Variants in SORCS1 observed in about 807,000 individuals in gnomAD.
SORCS1 encodes VPS10 domain-containing receptor SorCS1.
In SORCS1, 60 loss-of-function variants were observed where a neutral mutation model predicts 146.1. The observed-to-expected ratio is 0.41, with a 90% CI of 0.33 to 0.51. SORCS1 has a LOEUF of 0.51. SORCS1 is among the 20% of genes least tolerant of loss of function. The pLI is 0.21. For synonymous variants in SORCS1, 637 were observed against 584.0 expected (o/e 1.09, Z -1.31); for missense variants, 1,352 against 1,487.6 (o/e 0.91, Z 1.50).
At chr10:107,057,436 G>C (rs1325988060) in intron 1 of SORCS1, among the ~76,000 whole-genome samples, 1 of 152,100 alleles carries the variant, frequency 6.6e-6, no homozygotes, top group African/African-American at 2.4e-5. Flanking sequence ...TGTCTCTTGG[G>C]AGTCATATCC....
chr10:107,149,385 A>C (rs572578639), intron 1 of SORCS1, among the ~76,000 whole-genome samples: 16 of 152,248 alleles, frequency 1.1e-4, no homozygotes, highest in African/African-American at 3.9e-4. Context: ...GTAAAAAAAA[A>C]TCGCGCTTTA....
At chr10:106,891,626 A>C (rs779280315) in intron 2 of SORCS1, among the ~76,000 whole-genome samples, 9 of 151,696 alleles carry the variant, frequency 5.9e-5, no homozygotes, top group Non-Finnish European at 1.3e-4. Context: ...TGGCCTTCCA[A>C]GTCACTGAGA....
intron 18 of SORCS1, among the ~76,000 whole-genome samples, chr10:106,640,453 G>A (rs151203657): frequency 7.9e-5 from 12 of 152,296 alleles, no homozygotes; most frequent in South Asian, 2.1e-4. Context: ...TTTAATTTTC[G>A]TCCCTAGCCT....
In SORCS1 at chr10:106,675,228, T is replaced by G. The variant is rs1481185900; in HGVS notation, c.1833-72A>C. ...AAATGTCATTTCAAAGGAAAGATAC[T>G]CTCAACCCAGAGATAATACATTTTA... On this transcript the variant is annotated intron_variant, in intron 13 of 25. Transcript: ENST00000263054. 2.0e-5 allele frequency: 23 copies of G among 1,128,722 alleles called. No individual in the cohort carries two copies. The East Asian group carries it at 4.8e-4, about 24-fold the overall frequency. The allele number at this position is 1,128,722 out of a possible 1,614,324, so 69.9% of individuals were successfully genotyped here. A position where few individuals can be genotyped will look rare whatever the true frequency, so the allele number is the denominator to read the frequency against.
chr10:107,068,185 G>A (rs571616214), intron 1 of SORCS1, among the ~76,000 whole-genome samples: 14 of 152,128 alleles, frequency 9.2e-5, no homozygotes, highest in South Asian at 2.1e-4. Context: ...ATCTGCTTTC[G>A]GGAAGCCTTT....
At chr10:106,831,389 A>C (rs1482694082) in intron 2 of SORCS1, among the ~76,000 whole-genome samples, 5 of 152,208 alleles carry the variant, frequency 3.3e-5, no homozygotes, top group African/African-American at 4.8e-5. Context: ...TCTACTCTCA[A>C]GTATGTCACA....
At chr10:106,936,271 T>C (rs543409973) in intron 2 of SORCS1, among the ~76,000 whole-genome samples, 1 of 152,170 alleles carries the variant, frequency 6.6e-6, no homozygotes, top group Non-Finnish European at 1.5e-5. Context: ...CTCAGTTGCA[T>C]AATCTTCTAA....
chr10:107,023,593 G>A (rs192533409), intron 1 of SORCS1, among the ~76,000 whole-genome samples: 9 of 152,148 alleles, frequency 5.9e-5, no homozygotes, highest in East Asian at 1.9e-4. Flanking sequence ...GATAGTACAC[G>A]ATTACATATT....
chr10:106,989,672 T>G (rs535121510), intron 1 of SORCS1, among the ~76,000 whole-genome samples: 1,383 of 81,240 alleles, frequency 0.017, 44 homozygotes, highest in African/African-American at 0.047. Context: ...TTTTTTCTGT[T>G]TTTTTTTGTT....
chr10:106,747,608 T>C (rs1310304657), intron 5 of SORCS1, among the ~76,000 whole-genome samples: 1 of 152,212 alleles, frequency 6.6e-6, no homozygotes, highest in East Asian at 1.9e-4. Context: ...TCTTCTGTCT[T>C]GAATTTAGCA....
intron 3 of SORCS1, among the ~76,000 whole-genome samples, chr10:106,805,796 C>A (rs984884168): frequency 6.6e-6 from 1 of 151,910 alleles, no homozygotes; most frequent in Admixed American, 6.6e-5. Context: ...TGGTGGCTCA[C>A]GCCTGTAATC....
chr10:106,926,214 G>T (rs1260017625), intron 2 of SORCS1, among the ~76,000 whole-genome samples: 1 of 152,162 alleles, frequency 6.6e-6, no homozygotes, highest in East Asian at 1.9e-4. Context: ...TGACCTAAAT[G>T]ATAAGCAGGG....
chr10:106,611,018 A>G (rs1201000152), intron 22 of SORCS1, among the ~76,000 whole-genome samples: 1 of 152,048 alleles, frequency 6.6e-6, no homozygotes, highest in East Asian at 1.9e-4. Context: ...AGGCAGAGGT[A>G]GCAGTGAGAT....
intron 3 of SORCS1, among the ~76,000 whole-genome samples, chr10:106,806,237 G>T (rs998841186): frequency 2.9e-5 from 4 of 136,436 alleles, no homozygotes; most frequent in Admixed American, 7.4e-5. Flanking sequence ...ATGTGGTGGT[G>T]TGAACCTATA....
rs927241822 is a variant in SORCS1 at position 107,060,346 on chromosome 10, A to G, written c.558+103623T>C. Among the ~76,000 whole-genome samples the G allele has an allele frequency of 1.3e-5, 2 of 152,158 alleles. No homozygotes were observed. Among genetic ancestry groups the G allele is most frequent in the African/African-American group, 4.8e-5 (2 of 41,436 alleles). ...TAGTACTGAGGAGGGTTCTTGCGAG[A>G]TTAAAGTTAATTAAAAGATGAGAAA... On this transcript the variant is annotated intron_variant, in intron 1 of 25. Transcript: ENST00000263054. This position sits in a 1 kb window ranked among gnomAD's most constrained non-coding sequence, Gnocchi z 4.1.
At chr10:106,754,941 T>C (rs1858524616) in intron 5 of SORCS1, among the ~76,000 whole-genome samples, 1 of 152,208 alleles carries the variant, frequency 6.6e-6, no homozygotes, top group African/African-American at 2.4e-5. Context: ...AAGGTAAGGC[T>C]GAACCTATTT....
intron 2 of SORCS1, among the ~76,000 whole-genome samples, chr10:106,832,588 T>C (rs1255139187): frequency 3.9e-5 from 6 of 152,174 alleles, no homozygotes; most frequent in Admixed American, 3.3e-4. Flanking sequence ...TTGCTAGCCT[T>C]ATTCTATCTC....
At chr10:106,614,809 G>A (rs534171929) in intron 21 of SORCS1, among the ~76,000 whole-genome samples, 4 of 152,330 alleles carry the variant, frequency 2.6e-5, no homozygotes, top group Non-Finnish European at 1.5e-5. Flanking sequence ...TAGGGGATGC[G>A]TGTGGGCGGA....
chr10:106,720,022 T>C (rs144983714), intron 6 of SORCS1, among the ~76,000 whole-genome samples: 208 of 152,346 alleles, frequency 1.4e-3, no homozygotes, highest in African/African-American at 4.5e-3. Context: ...AAATACCAAA[T>C]GCCACCTTAT....
Sources: gnomAD v4.1 joint callset for allele counts (sites outside exome capture counted in the v4.1 genomes callset) on GRCh38, gnomAD v4.1.1 for gene constraint, Gnocchi (gnomAD v3.1) non-coding constraint, MANE v1.5 for transcripts, NCBI Gene and HGNC (gene_info 2026-07-23, HGNC 2026-07-21) for gene names.